The following HDAC9 variants were observed in gnomAD, a reference collection of about 807,000 sequenced individuals.
HDAC9 encodes MEF-2 interacting transcription repressor (MITR) protein.
HDAC9 carries 41 observed loss-of-function variants against 139.4 expected under a neutral mutation model. That is an observed-to-expected ratio of 0.29 (90% confidence interval 0.23 to 0.38). The LOEUF (loss-of-function observed/expected upper bound fraction) is 0.38, where lower values mean the gene tolerates loss of function less well. Among genes scored for constraint, HDAC9 ranks in the 10% least tolerant of loss-of-function variants. The pLI is 1.00. For synonymous variants in HDAC9, 517 were observed against 476.2 expected (o/e 1.09, Z -1.12); for missense variants, 1,147 against 1,297.0 (o/e 0.88, Z 1.78).
chr7:18,264,507 T>C (rs10247713), intron 2 of HDAC9, among the ~76,000 whole-genome samples: 2,537 of 152,338 alleles, frequency 0.017, 76 homozygotes, highest in African/African-American at 0.058. Context: ...ACATTATGGC[T>C]TAAAAATAAT....
Position 18,467,741 on chromosome 7 carries a change from G to A in HDAC9, c.-41-28521G>A, listed in dbSNP as rs111387988. ...CGTTTATTACAACCAGAGAACCCAC[G>A]TTGGCACATTACTGTTGCCCAAACT... is the stretch of plus-strand genomic sequence containing the variant. On this transcript the variant is annotated intron_variant, in intron 1 of 3. Coordinates refer to the HDAC9 transcript ENST00000413509. Among the ~76,000 whole-genome samples, 1,199 of 152,176 alleles carry A rather than the reference G, an allele frequency of 7.9e-3. 17 individuals are homozygous for A. The highest frequency in any genetic ancestry group is 0.027 in the African/African-American group (1,132 of 41,526).
chr7:18,125,362 AG>A (rs1384266199), intron 1 of HDAC9, among the ~76,000 whole-genome samples: 1 of 151,952 alleles, frequency 6.6e-6, no homozygotes, highest in African/African-American at 2.4e-5. Flanking sequence ...TGAGACGCTG[AG>A]TTTCTAGGAC....
At chr7:18,360,534 A>G (rs1377189359) in intron 1 of HDAC9, among the ~76,000 whole-genome samples, 1 of 152,184 alleles carries the variant, frequency 6.6e-6, no homozygotes, top group Non-Finnish European at 1.5e-5. Flanking sequence ...AGGAGAATTT[A>G]AGAATTACCG....
At chr7:18,877,017 C>T (rs573689461) in intron 22 of HDAC9, among the ~76,000 whole-genome samples, 7 of 152,126 alleles carry the variant, frequency 4.6e-5, no homozygotes, top group Non-Finnish European at 1.0e-4. Flanking sequence ...TAGAGAATTT[C>T]GATGCACACT....
intron 1 of HDAC9, among the ~76,000 whole-genome samples, chr7:18,356,018 T>C (rs1313642493): frequency 6.6e-6 from 1 of 152,176 alleles, no homozygotes; most frequent in Admixed American, 6.6e-5. Flanking sequence ...CTGGTTTAAA[T>C]GAACTTTGAA....
At chr7:18,767,943 A>G (rs747445942) in intron 16 of HDAC9, among the ~76,000 whole-genome samples, 39 of 152,202 alleles carry the variant, frequency 2.6e-4, no homozygotes, top group Non-Finnish European at 4.3e-4. Flanking sequence ...TCACATGTAT[A>G]TCACGTTTTA....
intron 25 of HDAC9, among the ~76,000 whole-genome samples, chr7:18,987,314 A>G (rs988894934): frequency 1.3e-5 from 2 of 152,164 alleles, no homozygotes; most frequent in African/African-American, 4.8e-5. Flanking sequence ...TTCTGCATCT[A>G]TTGAGATTAT....
intron 2 of HDAC9, among the ~76,000 whole-genome samples, chr7:18,274,520 T>C (rs1446591992): frequency 6.6e-6 from 1 of 152,188 alleles, no homozygotes; most frequent in Non-Finnish European, 1.5e-5. Flanking sequence ...CCCTATGGCC[T>C]AAACACCTTC....
chr7:18,615,244 A>T (rs1274618100), intron 6 of HDAC9, among the ~76,000 whole-genome samples: 2 of 152,210 alleles, frequency 1.3e-5, no homozygotes, highest in Non-Finnish European at 2.9e-5. Context: ...AGCAATTAAA[A>T]GGTTTAAACT....
intron 2 of HDAC9, among the ~76,000 whole-genome samples, chr7:18,572,757 C>T (rs1242058243): frequency 6.6e-6 from 1 of 151,988 alleles, no homozygotes; most frequent in Admixed American, 6.6e-5. Context: ...CTTCTATTAC[C>T]TTGGAGTCCC....
intron 1 of HDAC9, among the ~76,000 whole-genome samples, chr7:18,114,989 A>G (rs1783874056): frequency 6.6e-6 from 1 of 152,230 alleles, no homozygotes; most frequent in Non-Finnish European, 1.5e-5. Flanking sequence ...GTGTATAAGT[A>G]TATTTCTAAA....
chr7:18,091,697 A>G (rs1003293830), intron 1 of HDAC9, among the ~76,000 whole-genome samples: 1 of 152,220 alleles, frequency 6.6e-6, no homozygotes, highest in Admixed American at 6.5e-5. Context: ...TCCTCTGGCC[A>G]GAGATCTTCT....
intron 2 of HDAC9, among the ~76,000 whole-genome samples, chr7:18,195,661 C>T (rs1268889553): frequency 6.6e-6 from 1 of 152,120 alleles, no homozygotes; most frequent in Non-Finnish European, 1.5e-5. Flanking sequence ...TTCTCCTCAG[C>T]CCTACTCAAG....
chr7:18,251,985 C>T (rs953957508), intron 2 of HDAC9, among the ~76,000 whole-genome samples: 2 of 151,968 alleles, frequency 1.3e-5, no homozygotes, highest in Non-Finnish European at 2.9e-5. Flanking sequence ...TCTCATTTTC[C>T]TAGATTTTTC....
At chr7:18,434,145 A>G (rs1357313278) in intron 1 of HDAC9, among the ~76,000 whole-genome samples, 1 of 152,228 alleles carries the variant, frequency 6.6e-6, no homozygotes, top group Non-Finnish European at 1.5e-5. Flanking sequence ...GGCAAAGTTG[A>G]CAAAAACAAG....
rs1221459110 is a variant in HDAC9 at position 18,356,363 on chromosome 7, T to TTTTTTG, written c.-42+65853_-42+65854insGTTTTT. 3.6e-3 allele frequency among the ~76,000 whole-genome samples: 492 copies of TTTTTTG among 137,966 alleles called. 11 individuals are homozygous for TTTTTTG. The highest frequency in any genetic ancestry group is 0.013 in the African/African-American group (463 of 36,822). The allele number at this position is 137,966 out of a possible 152,430, so 90.5% of individuals were successfully genotyped here. Reference sequence around the variant, plus strand: ...CTCTAGAGGGCAGCACATAGGTTTTTTTTTTTTTTTTTTTTTTTTTTTAAA... The same window carrying TTTTTTG: ...CTCTAGAGGGCAGCACATAGGTTTTTTTTTTGTTTTTTTTTTTTTTTTTTTTTTAAA... On this transcript the variant is annotated intron_variant, in intron 1 of 3. Coordinates refer to the HDAC9 transcript ENST00000413509.
At chr7:18,254,700 G>T (rs1434285645) in intron 2 of HDAC9, among the ~76,000 whole-genome samples, 1 of 152,160 alleles carries the variant, frequency 6.6e-6, no homozygotes, top group African/African-American at 2.4e-5. Context: ...AATAAAATAA[G>T]TGTTCTGAAG....
At chr7:18,421,620 G>A (rs989550734) in intron 1 of HDAC9, among the ~76,000 whole-genome samples, 2 of 152,116 alleles carry the variant, frequency 1.3e-5, no homozygotes, top group African/African-American at 2.4e-5. Flanking sequence ...AGATTCACAC[G>A]TTCATAAAGT....
chr7:18,965,652 T>A (rs564256882), intron 24 of HDAC9, among the ~76,000 whole-genome samples: 2 of 152,368 alleles, frequency 1.3e-5, no homozygotes, highest in South Asian at 4.1e-4. Context: ...TTCTGAGAGC[T>A]GATGTAAAAC....
Sources: gnomAD v4.1 joint callset for allele counts (sites outside exome capture counted in the v4.1 genomes callset) on GRCh38, gnomAD v4.1.1 for gene constraint, MANE v1.5 for transcripts, NCBI Gene and HGNC (gene_info 2026-07-23, HGNC 2026-07-21) for gene names.